The following SLIT2 variants were observed in gnomAD, a reference collection of about 807,000 sequenced individuals.
The protein encoded by SLIT2 is slit guidance ligand 2, also known as slit homolog 2 protein.
In SLIT2, 41 loss-of-function variants were observed where a neutral mutation model predicts 185.7. The ratio of observed to expected loss-of-function variants is 0.22; its 90% CI spans 0.17 to 0.29. SLIT2 has a LOEUF of 0.29. Ranked by LOEUF, SLIT2 falls within the 10% of genes least tolerant of loss-of-function variation. The pLI, the probability that SLIT2 is intolerant of heterozygous loss-of-function variation, is 1.00. For missense variants in SLIT2, 1,571 were observed against 1,909.0 expected (o/e 0.82, Z 3.30); for synonymous variants, 693 against 680.2 (o/e 1.02, Z -0.29).
chr4:20,444,389 TA>T (rs200746109), intron 4 of SLIT2, among the ~76,000 whole-genome samples: 1,683 of 146,436 alleles, frequency 0.011, 25 homozygotes, highest in East Asian at 0.086. Context: ...GGTTGTTTCT[TA>T]AAAAAAAAAA....
At chr4:20,330,417 A>G (rs552784898) in intron 4 of SLIT2, among the ~76,000 whole-genome samples, 4 of 152,208 alleles carry the variant, frequency 2.6e-5, no homozygotes, top group Non-Finnish European at 4.4e-5. Context: ...GACTAGCACT[A>G]TTGTGAATTA....
chr4:20,530,243 CA>C (rs1456082398), intron 16 of SLIT2, among the ~76,000 whole-genome samples: 3 of 151,856 alleles, frequency 2.0e-5, no homozygotes, highest in Non-Finnish European at 2.9e-5. Flanking sequence ...TATAATACTA[CA>C]AACAAGTGAT....
intron 9 of SLIT2, among the ~76,000 whole-genome samples, chr4:20,502,829 A>C (rs955024197): frequency 6.6e-6 from 1 of 152,178 alleles, no homozygotes; most frequent in Non-Finnish European, 1.5e-5. Flanking sequence ...TGATAGAAAA[A>C]TCACTAACAT....
rs527982609 is a variant in SLIT2, at chr4:20,464,667, C to G, written c.396-3085C>G. Among the ~76,000 whole-genome samples the G allele has an allele frequency of 2.0e-5, 3 of 152,238 alleles. No individual in the cohort carries two copies. In the East Asian group the frequency reaches 5.8e-4, roughly 29 times the overall value. On this transcript the variant is annotated intron_variant, in intron 4 of 36. Transcript: ENST00000504154. Reference sequence around the variant, plus strand: ...GTTATTCCACTGCATACGTTGTACCCTCTTAGGAAACCAGACCACAAACTA... The same window carrying G: ...GTTATTCCACTGCATACGTTGTACCGTCTTAGGAAACCAGACCACAAACTA...
chr4:20,432,350 A>C (rs754115272), intron 4 of SLIT2, among the ~76,000 whole-genome samples: 9 of 152,168 alleles, frequency 5.9e-5, no homozygotes, highest in Non-Finnish European at 1.2e-4. Context: ...CAAGATAATT[A>C]GTTTACTGCT....
intron 29 of SLIT2, among the ~76,000 whole-genome samples, chr4:20,573,452 C>T (rs1264323071): frequency 6.6e-6 from 1 of 152,022 alleles, no homozygotes; most frequent in African/African-American, 2.4e-5. Context: ...TAAAATGGGC[C>T]TCTGAAATGC....
At chr4:20,308,852 T>C (rs190614695) in intron 4 of SLIT2, among the ~76,000 whole-genome samples, 203 of 152,298 alleles carry the variant, frequency 1.3e-3, no homozygotes, top group African/African-American at 4.3e-3. Context: ...TTACCTTTAT[T>C]CTAATTTAGT....
chr4:20,317,426 T>C (rs1460071056), intron 4 of SLIT2, among the ~76,000 whole-genome samples: 2 of 152,078 alleles, frequency 1.3e-5, no homozygotes, highest in Admixed American at 1.3e-4. Context: ...CCACAGGCAG[T>C]TTATTGAAAT....
chr4:20,561,328 A>G (rs905979080), intron 26 of SLIT2, among the ~76,000 whole-genome samples: 4 of 151,818 alleles, frequency 2.6e-5, no homozygotes, highest in African/African-American at 9.7e-5. Context: ...GGAATCCTCT[A>G]GATTCTGGAA....
intron 4 of SLIT2, among the ~76,000 whole-genome samples, chr4:20,308,653 A>G (rs13435197): frequency 0.61 from 93,060 of 151,874 alleles, 28,827 homozygotes; most frequent in East Asian, 0.86. Flanking sequence ...AAGGAATGGA[A>G]TACTTAATAG....
chr4:20,475,574 T>C (rs931366783), intron 5 of SLIT2, among the ~76,000 whole-genome samples: 8 of 152,132 alleles, frequency 5.3e-5, no homozygotes, highest in African/African-American at 1.7e-4. Flanking sequence ...CATGTATAAC[T>C]TATTGAACTT....
chr4:20,530,323 G>A (rs1283888798), intron 16 of SLIT2, among the ~76,000 whole-genome samples: 3 of 151,604 alleles, frequency 2.0e-5, no homozygotes, highest in African/African-American at 7.3e-5. Context: ...AGGCAGGAGT[G>A]CAGTGGCACA....
intron 4 of SLIT2, among the ~76,000 whole-genome samples, chr4:20,307,164 T>TCCCTCCC (rs1577402708): frequency 2.2e-5 from 1 of 45,222 alleles, no homozygotes; most frequent in African/African-American, 9.3e-5. Flanking sequence ...CCCTCCCTCC[T>TCCCTCCC]TCCTTCCTTC....
At chr4:20,424,132 G>A (rs1044379700) in intron 4 of SLIT2, among the ~76,000 whole-genome samples, 1 of 152,014 alleles carries the variant, frequency 6.6e-6, no homozygotes, top group Admixed American at 6.6e-5. Context: ...TGTTTTTATT[G>A]GCACACTTTT....
At chr4:20,435,190 A>G (rs1729265699) in intron 4 of SLIT2, among the ~76,000 whole-genome samples, 1 of 152,196 alleles carries the variant, frequency 6.6e-6, no homozygotes, top group South Asian at 2.1e-4. Context: ...AAAGTGCTGT[A>G]TGTGCAACCT....
chr4:20,605,768 A>G (rs11733425), intron 33 of SLIT2, among the ~76,000 whole-genome samples: 18,380 of 141,122 alleles, frequency 0.13, 1,169 homozygotes, highest in Middle Eastern at 0.14. Context: ...ATTTTTTGAG[A>G]CAGAGTTTCA....
In SLIT2 at chr4:20,527,293, C is replaced by CT. The variant is rs1000895901; in HGVS notation, c.1463-1645dup. Among the ~76,000 whole-genome samples, 143 of 146,696 alleles carry CT rather than the reference C, an allele frequency of 9.7e-4. 1 individual carries two copies. In the Middle Eastern group the frequency reaches 0.011, roughly 11 times the overall value. On this transcript the variant is annotated intron_variant, in intron 15 of 36. Transcript: ENST00000504154. ...AAAATCTGTCTTGCAGAGAGTTCAT[C>CT]TTTTTTTTTTTGGAGATGGAGTCTC...
At chr4:20,262,186 A>G (rs900587128) in intron 3 of SLIT2, among the ~76,000 whole-genome samples, 1 of 151,864 alleles carries the variant, frequency 6.6e-6, no homozygotes, top group African/African-American at 2.4e-5. Flanking sequence ...TAAACACTAC[A>G]TTCTAATGAG....
At chr4:20,520,759 T>C (rs912546479) in intron 12 of SLIT2, among the ~76,000 whole-genome samples, 1 of 152,182 alleles carries the variant, frequency 6.6e-6, no homozygotes, top group African/African-American at 2.4e-5. Context: ...TTATTATATG[T>C]AGTGCTCTCT....
Sources: gnomAD v4.1 joint callset for allele counts (sites outside exome capture counted in the v4.1 genomes callset) on GRCh38, gnomAD v4.1.1 for gene constraint, MANE v1.5 for transcripts, NCBI Gene and HGNC (gene_info 2026-07-23, HGNC 2026-07-21) for gene names.